Variants in EPHA10 observed in about 807,000 individuals in gnomAD.
The protein encoded by EPHA10 is ephrin type-A receptor 10.
A neutral mutation model predicts 109.7 loss-of-function variants in EPHA10; 120 were observed. The observed-to-expected ratio is 1.09, with a 90% CI of 0.94 to 1.27. The LOEUF (loss-of-function observed/expected upper bound fraction) is 1.27. EPHA10 is among the 50% of genes most tolerant of loss of function. EPHA10 has a pLI of 0.00. For synonymous variants in EPHA10, 640 were observed against 618.9 expected (o/e 1.03, Z -0.51); for missense variants, 1,396 against 1,411.1 (o/e 0.99, Z 0.17).
At chr1:37,750,245 C>T (rs111956467) in intron 5 of EPHA10, among the ~76,000 whole-genome samples, 25,544 of 152,020 alleles carry the variant, frequency 0.17, 2,416 homozygotes, top group South Asian at 0.23. Context: ...GATTCACACT[C>T]GTATGTGAGA....
At chr1:37,762,234 G>T in intron 2 of EPHA10, 151 bp from the exon 3 acceptor site, 1 of 742,620 alleles carries the variant, frequency 1.3e-6, no homozygotes, top group Non-Finnish European at 2.1e-6. Flanking sequence ...GGAAACAAAT[G>T]ATCCCAATCC....
rs575622498 is a variant in EPHA10 at position 37,716,078 on chromosome 1, T to G, written c.*2294A>C. 6.0e-6 allele frequency: 3 copies of G among 503,554 alleles called. No individual in the cohort carries two copies. In the East Asian group the frequency reaches 1.1e-4, roughly 18 times the overall value. 31.2% of individuals were successfully genotyped at this position (503,554 alleles called of 1,614,324 possible). ...TGGCCCCCTCCCTCCCAGGGTGAGC[T>G]CAGACCAGGGTAATGGGGGCTTGCA... On this transcript the variant is annotated 3_prime_UTR_variant, in exon 17 of 17. Transcript: ENST00000373048.
intron 5 of EPHA10, among the ~76,000 whole-genome samples, chr1:37,751,261 C>T (rs1371112687): frequency 6.9e-6 from 1 of 144,840 alleles, no homozygotes; most frequent in African/African-American, 2.6e-5. Flanking sequence ...AAAAGAAATC[C>T]ATATTGGTTA....
In EPHA10 at chr1:37,718,727, C is replaced by T. The variant is rs370189375; in HGVS notation, c.2846G>A (p.Arg949His). Residue 949 changes from arginine to histidine, a missense_variant, in exon 16 of 17, where the codon CGC (arginine) becomes CAC (histidine). By Grantham distance (29) the Arg-to-His change is conservative. Transcript: ENST00000373048. ...AGCAGCCGCGAAGCTGTCCTTGTAGCGGCACAGGTCCAGGGCCTCCAGCCA... is the reference window on the plus strand; with the variant it reads ...AGCAGCCGCGAAGCTGTCCTTGTAGTGGCACAGGTCCAGGGCCTCCAGCCA... ...GAWLEALDLC[R>H]YKDSFAAAGY... The T allele has an allele frequency of 2.8e-5, 45 of 1,613,058 alleles. No homozygotes were observed. Among genetic ancestry groups the T allele is most frequent in the African/African-American group, 2.5e-4 (19 of 74,946 alleles).
At position 37,722,900 on chromosome 1, in the gene EPHA10, T is replaced by A. The variant is rs766800373; in HGVS notation, c.1960+141A>T. On this transcript the variant is annotated intron_variant, in intron 10 of 16. Transcript: ENST00000373048. ...TTCTGGGTGGAGGGTGGGCTTGGTGTGGAGGCAGGGCTTCCAGACACGAGC... is the reference window on the plus strand; with the variant it reads ...TTCTGGGTGGAGGGTGGGCTTGGTGAGGAGGCAGGGCTTCCAGACACGAGC... The A allele has an allele frequency of 3.9e-6, 5 of 1,286,294 alleles. No homozygotes were observed. In the South Asian group the frequency reaches 6.1e-5, roughly 16 times the overall value. The allele number at this position is 1,286,294 out of a possible 1,614,324, so 79.7% of individuals were successfully genotyped here. A position where few individuals can be genotyped will look rare whatever the true frequency, so the allele number is the denominator to read the frequency against.
In EPHA10 at chr1:37,718,766, C is replaced by A. The variant is rs765553539; in HGVS notation, c.2807G>T (p.Gly936Val). Residue 936 changes from glycine (G) to valine (V), a missense_variant, in exon 16 of 17, where the codon GGC becomes GTC. Physicochemically the swap from Gly to Val is moderately radical, Grantham distance 109 (BLOSUM62 -3). Coordinates refer to ENST00000373048, the MANE Select transcript of EPHA10 (RefSeq NM_001099439.2). ...DRAFSTFPSF[G>V]SVGAWLEALD... is the part of the protein sequence containing the mutation. The stretch of plus-strand genomic sequence containing the variant: ...GGCCTCCAGCCACGCGCCCACAGAG[C>A]CAAAGGAGGGGAAGGTGGAGAAGGC... The A allele has an allele frequency of 2.7e-5, 43 of 1,612,940 alleles. No homozygotes were observed. Among genetic ancestry groups the A allele is most frequent in the Non-Finnish European group, 1.7e-6 (2 of 1,179,974 alleles).
rs375016026 is a variant in EPHA10 at position 37,731,528 on chromosome 1, C to T, written c.1546G>A (p.Val516Ile). 83 of 1,613,898 alleles carry T rather than the reference C, an allele frequency of 5.1e-5. No homozygotes were observed. Among genetic ancestry groups the T allele is most frequent in the African/African-American group, 2.9e-4 (22 of 74,912 alleles). ...MVKTGAPTVT[V>I]TNLKPATRYV... Reference sequence around the variant, plus strand: ...CGGGTAGCCGGCTTCAGGTTGGTGACGGTGACTGTGGGCGCCCCTGTCTTC... The same window carrying T: ...CGGGTAGCCGGCTTCAGGTTGGTGATGGTGACTGTGGGCGCCCCTGTCTTC... Residue 516 changes from valine (V) to isoleucine (I), a missense_variant, in exon 7 of 17, where the codon GTC (valine) becomes ATC (isoleucine). Transcript: ENST00000373048.
At chr1:37,729,629 C>T (rs1645948613) in intron 7 of EPHA10, among the ~76,000 whole-genome samples, 1 of 151,784 alleles carries the variant, frequency 6.6e-6, no homozygotes, top group Non-Finnish European at 1.5e-5. Flanking sequence ...ACCTGTGATC[C>T]CAGCACTTTG....
At chr1:37,749,443 C>T (rs1169554377) in intron 5 of EPHA10, among the ~76,000 whole-genome samples, 1 of 151,600 alleles carries the variant, frequency 6.6e-6, no homozygotes, top group Non-Finnish European at 1.5e-5. Flanking sequence ...GAGGCTGAGG[C>T]GGGTGGATCA....
Position 37,735,390 on chromosome 1 carries a change from G to A in EPHA10, c.1358C>T (p.Ala453Val), listed in dbSNP as rs754083509. The A allele has an allele frequency of 3.2e-6, 5 of 1,580,604 alleles. No homozygotes were observed. Among genetic ancestry groups the A allele is most frequent in the Admixed American group, 1.8e-5 (1 of 54,598 alleles). Residue 453 changes from alanine (A) to valine (V), a missense_variant and splice_region_variant, in exon 6 of 17, where the codon GCG becomes GTG. Transcript: ENST00000373048. ...GCGGATCTCATCCTCCTCCCAGGGC[G>A]CTGAAAGTAAGTTACGTGGGATTCT... ...AQVTVSTGPG[A>V]PWEEDEIRRD...
At chr1:37,735,178 G>T (rs1646048302) in intron 6 of EPHA10, 79 bp downstream of exon 6, 2 of 1,529,236 alleles carry the variant, frequency 1.3e-6, no homozygotes, top group Non-Finnish European at 8.9e-7. Flanking sequence ...GCTTTTGCTG[G>T]GAGGATGGCC....
At chr1:37,753,401 T>G in intron 4 of EPHA10, among the ~76,000 whole-genome samples, 175 bp from the exon 5 acceptor site, 2 of 145,898 alleles carry the variant, frequency 1.4e-5, no homozygotes, top group Non-Finnish European at 1.5e-5. Flanking sequence ...ACTTGGTGGA[T>G]GAGGGGGGAC....
chr1:37,730,566 A>G (rs189529547), intron 7 of EPHA10, among the ~76,000 whole-genome samples: 1 of 152,286 alleles, frequency 6.6e-6, no homozygotes, highest in East Asian at 1.9e-4. Flanking sequence ...GGAAAGCACA[A>G]TATTGCGGAG....
intron 13 of EPHA10, 98 bp downstream of exon 13, chr1:37,720,253 A>T: frequency 2.1e-6 from 3 of 1,424,606 alleles, no homozygotes; most frequent in Non-Finnish European, 2.8e-6. Flanking sequence ...AACTGGGTGG[A>T]GGGGCAGGGA....
chr1:37,732,613 G>A (rs1180335159), intron 6 of EPHA10, among the ~76,000 whole-genome samples: 1 of 152,146 alleles, frequency 6.6e-6, no homozygotes, highest in South Asian at 2.1e-4. Context: ...CACAAGGTAG[G>A]GCAGGCTAGG....
intron 5 of EPHA10, among the ~76,000 whole-genome samples, chr1:37,745,781 C>G (rs186455529): frequency 6.6e-6 from 1 of 152,128 alleles, no homozygotes; most frequent in Non-Finnish European, 1.5e-5. Flanking sequence ...ACCTGGGAAG[C>G]GGAGGTTGCA....
At chr1:37,735,432 C>T (rs746378694) in intron 5 of EPHA10, 42 bp from the exon 6 acceptor site, 1 of 1,555,598 alleles carries the variant, frequency 6.4e-7, no homozygotes, top group South Asian at 1.2e-5. Context: ...TGACCCACCT[C>T]ACGGCAGGGC....
intron 5 of EPHA10, among the ~76,000 whole-genome samples, chr1:37,749,321 A>G (rs1243650024): frequency 6.6e-6 from 1 of 152,124 alleles, no homozygotes; most frequent in Non-Finnish European, 1.5e-5. Flanking sequence ...GAAAATGGAA[A>G]TAGAAGAGTA....
At position 37,723,030 on chromosome 1, in the gene EPHA10, G is replaced by A. The variant is rs201576309; in HGVS notation, c.1960+11C>T. 9,982 of 1,614,006 alleles carry A rather than the reference G, an allele frequency of 6.2e-3. 44 individuals carry two copies. The highest frequency in any genetic ancestry group is 7.9e-3 in the Middle Eastern group (48 of 6,062). Reference sequence around the variant, plus strand: ...CAGATGGGGACAAGGCTTCCTGGGCGCCCAGCTTGCCTCCTCCAAGGCTCC... The same window carrying A: ...CAGATGGGGACAAGGCTTCCTGGGCACCCAGCTTGCCTCCTCCAAGGCTCC... On this transcript the variant is annotated intron_variant, in intron 10 of 16. Coordinates refer to ENST00000373048, the MANE Select transcript of EPHA10 (RefSeq NM_001099439.2).
Sources: gnomAD v4.1 joint callset for allele counts (sites outside exome capture counted in the v4.1 genomes callset) on GRCh38, gnomAD v4.1.1 for gene constraint, MANE v1.5 for transcripts, NCBI Gene and HGNC (gene_info 2026-07-23, HGNC 2026-07-21) for gene names.